The following ATP8A2 variants were observed in gnomAD, a reference collection of about 807,000 sequenced individuals.
ATP8A2 encodes the protein phospholipid-transporting ATPase IB.
ATP8A2 carries 100 observed loss-of-function variants against 165.6 expected under a neutral mutation model. That is an observed-to-expected ratio of 0.60 (90% CI 0.51 to 0.71). The LOEUF is 0.71. ATP8A2 is among the 30% of genes least tolerant of loss of function. The probability of loss-of-function intolerance (pLI) is 0.00; values close to 1 mark genes in which losing one functional copy is unlikely to be tolerated. For missense variants in ATP8A2, 1,227 were observed against 1,479.5 expected, an observed-to-expected ratio of 0.83 and a Z score of 2.80; for synonymous variants, 543 against 548.8, an observed-to-expected ratio of 0.99 and a Z score of 0.15.
At chr13:25,490,111 A>G (rs1345522651) in intron 2 of ATP8A2, among the ~76,000 whole-genome samples, 1 of 152,202 alleles carries the variant, frequency 6.6e-6, no homozygotes, top group Non-Finnish European at 1.5e-5. Context: ...ATATTTGAGT[A>G]AGGGAAGTGT....
At chr13:25,740,968 T>C (rs1487223591) in intron 25 of ATP8A2, among the ~76,000 whole-genome samples, 1 of 152,228 alleles carries the variant, frequency 6.6e-6, no homozygotes, top group African/African-American at 2.4e-5. Context: ...CGTCTTTAGA[T>C]AAGACTCTGC....
chr13:25,817,348 T>TA (rs1222895600), intron 27 of ATP8A2, among the ~76,000 whole-genome samples: 1 of 68,980 alleles, frequency 1.4e-5, no homozygotes, highest in African/African-American at 4.3e-5. Context: ...TATGGTCTTT[T>TA]ATGGGGGGGG....
At chr13:25,868,629 T>C (rs1952587261) in intron 33 of ATP8A2, among the ~76,000 whole-genome samples, 1 of 152,210 alleles carries the variant, frequency 6.6e-6, no homozygotes, top group Non-Finnish European at 1.5e-5. Flanking sequence ...CATTCTCATC[T>C]GAATGCAAAG....
chr13:25,918,832 A>G (rs993136116), intron 33 of ATP8A2, among the ~76,000 whole-genome samples: 3 of 152,190 alleles, frequency 2.0e-5, no homozygotes, highest in Non-Finnish European at 2.9e-5. Context: ...GGACTGCTGT[A>G]TTGGTTACTG....
chr13:25,737,499 C>T lies in ATP8A2; in HGVS notation c.2385-31547C>T, dbSNP rs189079040. Among the ~76,000 whole-genome samples, 94 of 152,110 alleles carry T rather than the reference C, an allele frequency of 6.2e-4. 1 individual carries two copies. Among genetic ancestry groups the T allele is most frequent in the African/African-American group, 2.2e-3 (92 of 41,504 alleles). On this transcript the variant is annotated intron_variant, in intron 25 of 36. Coordinates refer to ENST00000381655, the MANE Select transcript of ATP8A2 (RefSeq NM_016529.6). Reference sequence around the variant, plus strand: ...CAGACTCTGTTTTTGCAAATTATCGCTTTCTTTTCTGTGTGTGTGAGACAG... The same window carrying T: ...CAGACTCTGTTTTTGCAAATTATCGTTTTCTTTTCTGTGTGTGTGAGACAG...
chr13:25,519,095 A>G (rs534669223), intron 2 of ATP8A2, among the ~76,000 whole-genome samples: 1 of 152,018 alleles, frequency 6.6e-6, no homozygotes, highest in African/African-American at 2.4e-5. Flanking sequence ...TCTCCCTCCT[A>G]CAGGTGGAGC....
intron 27 of ATP8A2, among the ~76,000 whole-genome samples, chr13:25,818,275 C>G (rs1165043168): frequency 1.3e-5 from 2 of 152,132 alleles, no homozygotes; most frequent in African/African-American, 4.8e-5. Context: ...GGAAAAAGAT[C>G]TGGATAATTC....
At chr13:25,909,859 TACCTATTCTAGGA>T (rs1954050269) in intron 33 of ATP8A2, among the ~76,000 whole-genome samples, 1 of 152,216 alleles carries the variant, frequency 6.6e-6, no homozygotes, top group African/African-American at 2.4e-5. Flanking sequence ...TCTGTGAATT[TACCTATTCTAGGA>T]ACCCCATACA....
chr13:25,976,777 T>C (rs1451191884), intron 35 of ATP8A2, among the ~76,000 whole-genome samples: 1 of 151,010 alleles, frequency 6.6e-6, no homozygotes. Context: ...TGAAAGCGGC[T>C]CATTTTGTTT....
chr13:25,412,401 C>A lies in ATP8A2; in HGVS notation c.76+40113C>A, dbSNP rs572433020. Among the ~76,000 whole-genome samples, 5 of 152,290 alleles carry A rather than the reference C, an allele frequency of 3.3e-5. No homozygotes were observed. The South Asian group carries it at 1.0e-3, about 32-fold the overall frequency. ...AGGCTAAAGGGATTTATCTTCCAAGCAATAACTTTGTTTCTGATGGAGGGC... is the reference window on the plus strand; with the variant it reads ...AGGCTAAAGGGATTTATCTTCCAAGAAATAACTTTGTTTCTGATGGAGGGC... On this transcript the variant is annotated intron_variant, in intron 1 of 36. Transcript: ENST00000381655.
intron 30 of ATP8A2, among the ~76,000 whole-genome samples, chr13:25,859,902 A>G (rs891098529): frequency 1.3e-5 from 2 of 152,204 alleles, no homozygotes; most frequent in African/African-American, 4.8e-5. Flanking sequence ...TTTTTAAAAC[A>G]AACTGGACAA....
At chr13:25,492,857 A>T (rs1274630631) in intron 2 of ATP8A2, among the ~76,000 whole-genome samples, 1 of 152,116 alleles carries the variant, frequency 6.6e-6, no homozygotes, top group Non-Finnish European at 1.5e-5. Context: ...TTCCTTTGGC[A>T]AAAGAAGAAA....
Position 25,425,606 on chromosome 13 carries a change from G to A in ATP8A2, c.77-43371G>A, listed in dbSNP as rs1303665676. On this transcript the variant is annotated intron_variant, in intron 1 of 36. Coordinates refer to ENST00000381655, the MANE Select transcript of ATP8A2 (RefSeq NM_016529.6). Reference sequence around the variant, plus strand: ...TCCTTTTTTTTTGAGATGGAGTCTTGCTCTGTCGCCCAGGCTGGAGTGCAA... The same window carrying A: ...TCCTTTTTTTTTGAGATGGAGTCTTACTCTGTCGCCCAGGCTGGAGTGCAA... Among the ~76,000 whole-genome samples, 2 of 148,832 alleles carry A rather than the reference G, an allele frequency of 1.3e-5. 1 individual carries two copies. Among genetic ancestry groups the A allele is most frequent in the Non-Finnish European group, 3.0e-5 (2 of 67,136 alleles).
At chr13:25,821,407 A>G (rs1264259126) in intron 27 of ATP8A2, among the ~76,000 whole-genome samples, 1 of 152,184 alleles carries the variant, frequency 6.6e-6, no homozygotes, top group Non-Finnish European at 1.5e-5. Flanking sequence ...TCTTTGAAAT[A>G]ATTTCTCATT....
chr13:25,594,992 A>ATG (rs2040197266), intron 24 of ATP8A2, among the ~76,000 whole-genome samples: 1 of 149,696 alleles, frequency 6.7e-6, no homozygotes, highest in Non-Finnish European at 1.5e-5. Context: ...GTGTATATAT[A>ATG]TATATATATA....
At chr13:25,884,190 T>TG (rs1953069344) in intron 33 of ATP8A2, among the ~76,000 whole-genome samples, 1 of 152,180 alleles carries the variant, frequency 6.6e-6, no homozygotes, top group South Asian at 2.1e-4. Flanking sequence ...GGAGGGTCAG[T>TG]GGCCCTTAGC....
At chr13:26,012,050 C>T (rs1176242032) in intron 35 of ATP8A2, among the ~76,000 whole-genome samples, 1 of 126,634 alleles carries the variant, frequency 7.9e-6, no homozygotes, top group African/African-American at 2.9e-5. Flanking sequence ...GCTCCTTAGC[C>T]GTCTGTTTTA....
rs138697184 is a variant in ATP8A2, at chr13:25,672,837, C to G, written c.2212-26336C>G. Among the ~76,000 whole-genome samples, 9 of 152,218 alleles carry G rather than the reference C, an allele frequency of 5.9e-5. No individual in the cohort carries two copies. In the East Asian group the frequency reaches 1.7e-3, roughly 29 times the overall value. ...TATTAAAACATTTTAAGACTGTGAA[C>G]ATGCTTATTTGAGACCGGAAGAGAC... On this transcript the variant is annotated intron_variant, in intron 24 of 36. Transcript: ENST00000381655.
chr13:25,870,138 G>C (rs557526155), intron 33 of ATP8A2, among the ~76,000 whole-genome samples: 2 of 152,180 alleles, frequency 1.3e-5, no homozygotes, highest in African/African-American at 4.8e-5. Flanking sequence ...GCCAAACTCT[G>C]TGTCATTCTG....
Sources: gnomAD v4.1 joint callset for allele counts (sites outside exome capture counted in the v4.1 genomes callset) on GRCh38, gnomAD v4.1.1 for gene constraint, MANE v1.5 for transcripts, NCBI Gene and HGNC (gene_info 2026-07-23, HGNC 2026-07-21) for gene names.